The following KLRK1 variants were observed in gnomAD, a reference collection of about 807,000 sequenced individuals.
KLRK1 encodes killer cell lectin like receptor K1.
In KLRK1, 40 loss-of-function variants were observed where a neutral mutation model predicts 31.3. That is an observed-to-expected ratio of 1.28 (90% CI 0.99 to 1.67). The LOEUF is 1.67. Ranked by LOEUF, KLRK1 falls within the 40% of genes most tolerant of loss-of-function variation. The pLI, the probability that KLRK1 is intolerant of heterozygous loss-of-function variation, is 0.00. For synonymous variants in KLRK1, 77 were observed against 77.3 expected, an observed-to-expected ratio of 1.00 and a Z score of 0.02; for missense variants, 251 against 260.0, an observed-to-expected ratio of 0.97 and a Z score of 0.24.
chr12:10,373,297 A>G, intron 7 of KLRK1, 66 bp from the exon 8 acceptor site: 1 of 1,371,038 alleles, frequency 7.3e-7, no homozygotes, highest in Non-Finnish European at 9.9e-7. Flanking sequence ...AAAATGAATC[A>G]TACCTATTGA....
In KLRK1 at chr12:10,378,481, G is replaced by C. The variant is rs1863005771; in HGVS notation, c.429+73C>G. ...GTCACAGTGTCCCTTATATGTTCTAGGTTCATATTCCAGTGAGTTGTCTCA... is the reference window on the plus strand; with the variant it reads ...GTCACAGTGTCCCTTATATGTTCTACGTTCATATTCCAGTGAGTTGTCTCA... On this transcript the variant is annotated intron_variant, in intron 6 of 7. Transcript: ENST00000240618. 3.2e-6 allele frequency: 5 copies of C among 1,581,904 alleles called. No individual in the cohort carries two copies. The Admixed American group carries it at 9.9e-5, about 31-fold the overall frequency.
chr12:10,387,968 A>G (rs1171901580), intron 2 of KLRK1, among the ~76,000 whole-genome samples: 1 of 152,210 alleles, frequency 6.6e-6, no homozygotes, highest in African/African-American at 2.4e-5. Context: ...TGCTCTCTTG[A>G]AATATTAATT....
chr12:10,375,244 A>T (rs918418429), intron 7 of KLRK1, among the ~76,000 whole-genome samples: 4 of 152,228 alleles, frequency 2.6e-5, no homozygotes, highest in Non-Finnish European at 4.4e-5. Flanking sequence ...TTAAAGTAGC[A>T]AAGTAAATTT....
Position 10,379,806 on chromosome 12 carries a change from AAGACAC to A in KLRK1, c.149-20_149-15del, listed in dbSNP as rs1454739010. 6.2e-7 allele frequency: 1 copy of A among 1,609,014 alleles called. No individual in the cohort carries two copies. Among genetic ancestry groups the A allele is most frequent in the African/African-American group, 1.3e-5 (1 of 74,878 alleles). On this transcript the variant is annotated splice_polypyrimidine_tract_variant and intron_variant, in intron 3 of 7. Transcript: ENST00000240618. Reference sequence around the variant, plus strand: ...AAAATGGAGATGCTGTCAAAGAAAAAAGACACAGATCAGAGAAAGAAGCATAAAAGG... The same window carrying A: ...AAAATGGAGATGCTGTCAAAGAAAAAAGATCAGAGAAAGAAGCATAAAAGG...
rs189308252 is a variant in KLRK1 at position 10,380,280 on chromosome 12, C to T, written c.149-488G>A. Among the ~76,000 whole-genome samples, 178 of 151,986 alleles carry T rather than the reference C, an allele frequency of 1.2e-3. 1 individual carries two copies. Among genetic ancestry groups the T allele is most frequent in the South Asian group, 7.3e-3 (35 of 4,820 alleles). ...TAGGGTTTCACCGTGTTAGCCAGGACGGTCTCGATCTCCTGACCTCGTGAT... is the reference window on the plus strand; with the variant it reads ...TAGGGTTTCACCGTGTTAGCCAGGATGGTCTCGATCTCCTGACCTCGTGAT... On this transcript the variant is annotated intron_variant, in intron 3 of 7. Coordinates refer to ENST00000240618, the MANE Select transcript of KLRK1 (RefSeq NM_007360.4).
chr12:10,378,557 G>T lies in KLRK1; in HGVS notation c.426C>A (p.Asp142Glu), dbSNP rs757414568. 2.5e-6 allele frequency: 4 copies of T among 1,610,048 alleles called. No individual in the cohort carries two copies. Among genetic ancestry groups the T allele is most frequent in the Admixed American group, 1.7e-5 (1 of 58,614 alleles). The change falls in exon 6 of 8, where the codon GAC (aspartate) becomes GAA (glutamate). Residue 142 changes from aspartate (D) to glutamate (E), a missense_variant. Transcript: ENST00000240618. ...GAAATTAAAATAAATACTCAACCTG[G>T]TCCTCTTTGCTGTATACTTTCAGAA... The part of the protein sequence containing the change: ...ASLLKVYSKE[D>E]QDLLKLVKSY...
In KLRK1 at chr12:10,372,970, T is replaced by C; in HGVS notation, c.*144A>G. ...GTTTGCAGTGAAATTGTTCTATGGT[T>C]TGGTCCTGTGGAGTCTAAGAAATCT... is the stretch of plus-strand genomic sequence containing the variant. On this transcript the variant is annotated 3_prime_UTR_variant, in exon 8 of 8. Transcript: ENST00000240618. The C allele has an allele frequency of 1.5e-6, 1 of 670,478 alleles. No individual in the cohort carries two copies. Among genetic ancestry groups the C allele is most frequent in the Non-Finnish European group, 2.5e-6 (1 of 392,794 alleles). The allele number at this position is 670,478 out of a possible 1,614,324, so 41.5% of individuals were successfully genotyped here. A position where few individuals can be genotyped will look rare whatever the true frequency, so the allele number is the denominator to read the frequency against.
At chr12:10,389,380 A>G (rs990923142) in intron 1 of KLRK1, among the ~76,000 whole-genome samples, 5 of 152,202 alleles carry the variant, frequency 3.3e-5, no homozygotes, top group African/African-American at 1.2e-4. Context: ...TATCATCACC[A>G]TCATCATTAA....
intron 2 of KLRK1, among the ~76,000 whole-genome samples, chr12:10,387,765 C>T (rs1349421856): frequency 2.6e-5 from 4 of 151,754 alleles, no homozygotes; most frequent in African/African-American, 7.3e-5. Context: ...AGGCTGGTCT[C>T]GAACTCCTGA....
intron 5 of KLRK1, chr12:10,378,948 G>A: frequency 3.0e-6 from 1 of 331,090 alleles, no homozygotes; most frequent in Non-Finnish European, 5.3e-6. Context: ...GAGGTTAGAA[G>A]TTTGATACCA....
intron 7 of KLRK1, among the ~76,000 whole-genome samples, chr12:10,375,101 A>C (rs60033883): frequency 0.029 from 4,382 of 152,296 alleles, 178 homozygotes; most frequent in African/African-American, 0.098. Context: ...TCTAAGGTAT[A>C]CTGGGGCTTC....
At chr12:10,386,828 C>A (rs1283181319) in intron 3 of KLRK1, 75 bp downstream of exon 3, 6 of 1,055,140 alleles carry the variant, frequency 5.7e-6, no homozygotes, top group Middle Eastern at 2.3e-4. Flanking sequence ...TGAATGATTG[C>A]CATTCATTTA....
chr12:10,377,349 T>C (rs1318202773), intron 7 of KLRK1, among the ~76,000 whole-genome samples: 1 of 152,216 alleles, frequency 6.6e-6, no homozygotes, highest in African/African-American at 2.4e-5. Context: ...GTTAATATGA[T>C]ACAAATACTT....
At chr12:10,387,668 C>G (rs1863193939) in intron 2 of KLRK1, among the ~76,000 whole-genome samples, 1 of 151,660 alleles carries the variant, frequency 6.6e-6, no homozygotes, top group Non-Finnish European at 1.5e-5. Context: ...GCCTCAGCCT[C>G]TTGAGTAGCT....
chr12:10,381,106 CAG>C (rs1178312009), intron 3 of KLRK1, among the ~76,000 whole-genome samples: 1 of 151,988 alleles, frequency 6.6e-6, no homozygotes, highest in East Asian at 1.9e-4. Context: ...CAGCCAAGCA[CAG>C]AGTCTGTCCT....
intron 3 of KLRK1, among the ~76,000 whole-genome samples, chr12:10,386,553 ACT>A (rs974008443): frequency 3.3e-5 from 5 of 151,978 alleles, no homozygotes; most frequent in Admixed American, 1.3e-4. Flanking sequence ...TCAAGCTACC[ACT>A]TCTATAATGT....
At chr12:10,387,937 A>G (rs893221395) in intron 2 of KLRK1, among the ~76,000 whole-genome samples, 1 of 152,240 alleles carries the variant, frequency 6.6e-6, no homozygotes, top group Non-Finnish European at 1.5e-5. Context: ...GCCTCTGAAC[A>G]AAATACCTAA....
rs749328625 is a variant in KLRK1, at chr12:10,388,770, C to A, written c.40+1G>T. ...TACACACTTATGTGGTAAAAACATACCCCAGCTGTGTCGAGACCTCCGACC... is the reference window on the plus strand; with the variant it reads ...TACACACTTATGTGGTAAAAACATAACCCAGCTGTGTCGAGACCTCCGACC... On this transcript the variant is annotated splice_donor_variant, in intron 2 of 7. Transcript: ENST00000240618. LOFTEE classifies it high-confidence loss of function. 3 of 1,613,700 alleles carry A rather than the reference C, an allele frequency of 1.9e-6. No individual in the cohort carries two copies. The highest frequency in any genetic ancestry group is 1.3e-5 in the African/African-American group (1 of 74,856).
At chr12:10,388,723 T>C in intron 2 of KLRK1, 48 bp downstream of exon 2, 1 of 1,612,324 alleles carries the variant, frequency 6.2e-7, no homozygotes, top group Non-Finnish European at 8.5e-7. Context: ...CTTGGTATCT[T>C]AAAATTGTAT....
Sources: allele counts gnomAD v4.1 joint callset (sites outside exome capture counted in the v4.1 genomes callset), GRCh38; gene constraint gnomAD v4.1.1; transcripts MANE v1.5; gene names NCBI Gene and HGNC (gene_info 2026-07-23, HGNC 2026-07-21).